PI4KB: variants seen among roughly 807,000 people sequenced by gnomAD.
The protein encoded by PI4KB is PtdIns 4-kinase beta.
In PI4KB, 23 loss-of-function variants were observed where a neutral mutation model predicts 81.4. The ratio of observed to expected loss-of-function variants is 0.28; its 90% CI spans 0.20 to 0.40. PI4KB has a LOEUF of 0.40. Among genes scored for constraint, PI4KB ranks in the 10% least tolerant of loss-of-function variants. The pLI is 1.00. For missense variants in PI4KB, 651 were observed against 1,036.6 expected (o/e 0.63, Z 5.11); for synonymous variants, 381 against 406.8 (o/e 0.94, Z 0.76).
At chr1:151,322,346 T>G (rs578075358) in intron 1 of PI4KB, among the ~76,000 whole-genome samples, 6 of 152,220 alleles carry the variant, frequency 3.9e-5, no homozygotes, top group African/African-American at 1.2e-4. Flanking sequence ...TTAAAATACA[T>G]GTCTGCAGAG....
At chr1:151,323,170 T>C (rs1302682393) in intron 1 of PI4KB, among the ~76,000 whole-genome samples, 3 of 152,204 alleles carry the variant, frequency 2.0e-5, no homozygotes, top group Admixed American at 2.0e-4. Context: ...AGGTATATCC[T>C]CTAAAGCTAA....
intron 1 of PI4KB, 99 bp downstream of exon 1, chr1:151,327,172 C>T (rs1649744382): frequency 2.5e-6 from 1 of 392,980 alleles, no homozygotes; most frequent in Non-Finnish European, 4.5e-6. Flanking sequence ...GTTTCGTAGT[C>T]GAACTCAGGT....
At position 151,303,558 on chromosome 1, in the gene PI4KB, A is replaced by G. The variant is rs201101931; in HGVS notation, c.1503T>C (p.Ile501=). 2 of 1,611,574 alleles carry G rather than the reference A, an allele frequency of 1.2e-6. No individual in the cohort carries two copies. The highest frequency in any genetic ancestry group is 2.2e-5 in the East Asian group (1 of 44,850). ...GGCCATACCGGATGTCCCCTGCTGCAATGAACACAGGCTCCTTGCTCTCCT... is the reference window on the plus strand; with the variant it reads ...GGCCATACCGGATGTCCCCTGCTGCGATGAACACAGGCTCCTTGCTCTCCT... ...TSQESKEPVF[I]AAGDIRRRLS... The change falls in exon 6 of 12, where the codon ATT becomes ATC. Residue 501 remains isoleucine, a synonymous_variant. Coordinates refer to ENST00000368873, the MANE Select transcript of PI4KB (RefSeq NM_001369623.2).
intron 2 of PI4KB, among the ~76,000 whole-genome samples, chr1:151,312,067 G>C (rs1015923501): frequency 6.6e-6 from 1 of 152,250 alleles, no homozygotes; most frequent in Admixed American, 6.5e-5. Flanking sequence ...AAATGGCTTT[G>C]AAGCGGCAGG....
At chr1:151,304,395 G>A (rs1305099580) in intron 5 of PI4KB, among the ~76,000 whole-genome samples, 8 of 149,368 alleles carry the variant, frequency 5.4e-5, no homozygotes, top group African/African-American at 1.7e-4. Flanking sequence ...CCACGCTGGA[G>A]TGCAATGGTG....
At position 151,307,716 on chromosome 1, in the gene PI4KB, T is replaced by C. The variant is rs750543436; in HGVS notation, c.1040A>G (p.Gln347Arg). 6.2e-7 allele frequency: 1 copy of C among 1,614,212 alleles called. No individual in the cohort carries two copies. The highest frequency in any genetic ancestry group is 8.5e-7 in the Non-Finnish European group (1 of 1,180,020). The change falls in exon 4 of 12, where the codon CAG (glutamine) becomes CGG (arginine). Residue 347 changes from glutamine (Q) to arginine (R), a missense_variant. This residue lies in a region of PI4KB where 246 missense variants were observed against 430.1 expected (regional missense o/e 0.57). Coordinates refer to ENST00000368873, the MANE Select transcript of PI4KB (RefSeq NM_001369623.2). ...KRLATLPTKEQKTQRLISELS... is the reference protein window; with the variant it reads ...KRLATLPTKERKTQRLISELS... ...CTCTGAGATCAGCCTCTGTGTTTTC[T>C]GCTCTTTGGTGGGGAGCGTGGCCAG...
intron 4 of PI4KB, 33 bp downstream of exon 4, chr1:151,307,541 C>A: frequency 6.8e-7 from 1 of 1,463,436 alleles, no homozygotes; most frequent in South Asian, 1.1e-5. Context: ...AGAGTCACGT[C>A]CAGGGTAGGG....
At position 151,307,763 on chromosome 1, in the gene PI4KB, G is replaced by A. The variant is rs201941232; in HGVS notation, c.993C>T (p.Ser331=). 10 of 1,614,104 alleles carry A rather than the reference G, an allele frequency of 6.2e-6. No homozygotes were observed. The highest frequency in any genetic ancestry group is 8.5e-6 in the Non-Finnish European group (10 of 1,179,988). The change falls in exon 4 of 12, where the codon TCC becomes TCT. Residue 331 remains serine (S), a synonymous_variant. Transcript: ENST00000368873. ...CCAGCCGCTTGCCGATCGCCATCAGGGACTTGATGAATTCTCTCTCAGGAG... is the reference window on the plus strand; with the variant it reads ...CCAGCCGCTTGCCGATCGCCATCAGAGACTTGATGAATTCTCTCTCAGGAG... ...RLAPEREFIK[S]LMAIGKRLAT...
intron 8 of PI4KB, chr1:151,300,739 G>C (rs1255940757): frequency 3.3e-5 from 5 of 152,208 alleles, no homozygotes; most frequent in Non-Finnish European, 7.3e-5. Flanking sequence ...TTACTGATGA[G>C]CACGGGAGTT....
chr1:151,293,172 G>A, intron 11 of PI4KB, 139 bp from the exon 12 acceptor site: 1 of 1,483,180 alleles, frequency 6.7e-7, no homozygotes. Flanking sequence ...GTGCAGTTCT[G>A]CTTGGGCAGA....
chr1:151,299,769 G>A (rs1695105467), intron 8 of PI4KB, among the ~76,000 whole-genome samples: 1 of 152,108 alleles, frequency 6.6e-6, no homozygotes, highest in Non-Finnish European at 1.5e-5. Context: ...ATGGTATAAA[G>A]AACAGTATTA....
intron 3 of PI4KB, among the ~76,000 whole-genome samples, chr1:151,309,336 C>T (rs1481009156): frequency 6.6e-6 from 1 of 152,130 alleles, no homozygotes; most frequent in Non-Finnish European, 1.5e-5. Context: ...GGGTTAGGGG[C>T]CCCTAAGTTA....
chr1:151,312,143 G>A, intron 2 of PI4KB, among the ~76,000 whole-genome samples: 1 of 152,218 alleles, frequency 6.6e-6, no homozygotes, highest in East Asian at 1.9e-4. Context: ...GGGAGAGAGT[G>A]TAAAGGATTC....
intron 7 of PI4KB, 31 bp from the exon 8 acceptor site, chr1:151,301,998 G>A: frequency 1.2e-6 from 2 of 1,612,682 alleles, no homozygotes; most frequent in South Asian, 1.1e-5. Flanking sequence ...GGTGTCAAAG[G>A]TTGATGCCAG....
Position 151,293,916 on chromosome 1 carries a change from C to A in PI4KB, c.2269+102G>T, listed in dbSNP as rs760448823. On this transcript the variant is annotated intron_variant, in intron 11 of 11. Transcript: ENST00000368873. ...CTAGAAACTCTCTGGGAACCCCCCT[C>A]CCTCAACCGAGTCTCGTGGGATCAG... is the stretch of plus-strand genomic sequence containing the variant. The A allele has an allele frequency of 9.1e-6, 12 of 1,314,352 alleles. No individual in the cohort carries two copies. The African/African-American group carries it at 1.8e-4, about 19-fold the overall frequency. The allele number at this position is 1,314,352 out of a possible 1,614,324, so 81.4% of individuals were successfully genotyped here.
At chr1:151,319,402 C>A (rs1308990343) in intron 1 of PI4KB, among the ~76,000 whole-genome samples, 1 of 152,122 alleles carries the variant, frequency 6.6e-6, no homozygotes, top group African/African-American at 2.4e-5. Flanking sequence ...GCAAAGAGTT[C>A]CAATTGTTTG....
intron 2 of PI4KB, among the ~76,000 whole-genome samples, chr1:151,314,802 C>T (rs1413670341): frequency 6.6e-6 from 1 of 152,020 alleles, no homozygotes; most frequent in African/African-American, 2.4e-5. Context: ...AGAATGAAGC[C>T]GATGTTCTAA....
Position 151,298,898 on chromosome 1 carries a change from G to T in PI4KB, c.1925C>A (p.Thr642Asn). The change falls in exon 9 of 12, where the codon ACC (threonine) becomes AAC (asparagine). Residue 642 changes from threonine (T) to asparagine (N), a missense_variant. This residue lies in a region of PI4KB where 246 missense variants were observed against 430.1 expected (regional missense o/e 0.57). Coordinates refer to ENST00000368873, the MANE Select transcript of PI4KB (RefSeq NM_001369623.2). ...CTGTGCACTGAGGAATGCCTCAGTG[G>T]TGTAACTGCCGTGCTCCTGTAGGAA... is the stretch of plus-strand genomic sequence containing the variant. ...DYFLQEHGSYTTEAFLSAQRN... is the reference protein window; with the variant it reads ...DYFLQEHGSYNTEAFLSAQRN... The T allele has an allele frequency of 1.9e-6, 3 of 1,614,102 alleles. No homozygotes were observed. Among genetic ancestry groups the T allele is most frequent in the Non-Finnish European group, 2.5e-6 (3 of 1,179,920 alleles).
intron 2 of PI4KB, among the ~76,000 whole-genome samples, chr1:151,315,346 G>A (rs1647761845): frequency 6.6e-6 from 1 of 152,188 alleles, no homozygotes; most frequent in South Asian, 2.1e-4. Flanking sequence ...TATATGACCT[G>A]AGGCAACTCA....
Sources: allele counts gnomAD v4.1 joint callset (sites outside exome capture counted in the v4.1 genomes callset), GRCh38; gene constraint gnomAD v4.1.1; regional missense constraint gnomAD v4.1.1; transcripts MANE v1.5; gene names NCBI Gene and HGNC (gene_info 2026-07-23, HGNC 2026-07-21).